The following MCTP1 variants were observed in gnomAD, a reference collection of about 807,000 sequenced individuals.
MCTP1 encodes the protein multiple C2 and transmembrane domain containing 1, also known as multiple C2 and transmembrane domain-containing protein 1.
MCTP1 carries 69 observed loss-of-function variants against 120.6 expected under a neutral mutation model. That is an observed-to-expected ratio of 0.57 (90% CI 0.47 to 0.70). The LOEUF (loss-of-function observed/expected upper bound fraction) is 0.70, where lower values mean the gene tolerates loss of function less well. Among genes scored for constraint, MCTP1 ranks in the 30% least tolerant of loss-of-function variants. The probability of loss-of-function intolerance (pLI) is 0.00; values close to 1 mark genes in which losing one functional copy is unlikely to be tolerated. For missense variants in MCTP1, 1,203 were observed against 1,248.8 expected (o/e 0.96, Z 0.55); for synonymous variants, 529 against 493.1 (o/e 1.07, Z -0.96).
chr5:95,245,463 A>C (rs1756653804), intron 1 of MCTP1, among the ~76,000 whole-genome samples: 1 of 152,230 alleles, frequency 6.6e-6, no homozygotes. Flanking sequence ...TAGAATAAAC[A>C]GTGTAGAGAA....
At chr5:95,186,812 C>G (rs941782406) in intron 1 of MCTP1, among the ~76,000 whole-genome samples, 8 of 152,172 alleles carry the variant, frequency 5.3e-5, no homozygotes, top group African/African-American at 1.9e-4. Flanking sequence ...GACTCTAGAT[C>G]TATTCCTAGA....
intron 1 of MCTP1, among the ~76,000 whole-genome samples, chr5:95,054,712 G>A (rs1746912387): frequency 1.3e-5 from 2 of 152,210 alleles, no homozygotes; most frequent in Admixed American, 1.3e-4. Flanking sequence ...ATAAAGAGAA[G>A]TTATAGACCA....
intron 10 of MCTP1, among the ~76,000 whole-genome samples, chr5:94,900,712 G>A (rs535028766): frequency 6.6e-6 from 1 of 152,270 alleles, no homozygotes; most frequent in African/African-American, 2.4e-5. Flanking sequence ...AGAGTCCATG[G>A]CTGGGGGTTC....
At chr5:94,925,958 C>A (rs928742001) in intron 6 of MCTP1, among the ~76,000 whole-genome samples, 1 of 151,956 alleles carries the variant, frequency 6.6e-6, no homozygotes, top group African/African-American at 2.4e-5. Flanking sequence ...ATAAAAAAAT[C>A]TAATTATGAA....
chr5:95,169,436 T>G (rs1254684669), intron 1 of MCTP1, among the ~76,000 whole-genome samples: 1 of 152,192 alleles, frequency 6.6e-6, no homozygotes, highest in African/African-American at 2.4e-5. Context: ...GGATTCCCTC[T>G]TTTTCTGTTG....
intron 2 of MCTP1, among the ~76,000 whole-genome samples, chr5:94,965,358 T>A (rs1216599317): frequency 6.6e-6 from 1 of 152,098 alleles, no homozygotes; most frequent in Non-Finnish European, 1.5e-5. Flanking sequence ...ACAGAGGAGA[T>A]CTCTCTAGTC....
intron 1 of MCTP1, among the ~76,000 whole-genome samples, chr5:95,141,699 T>C (rs973626098): frequency 6.6e-6 from 1 of 152,130 alleles, no homozygotes; most frequent in Non-Finnish European, 1.5e-5. Flanking sequence ...CATCTTTCTC[T>C]CTCCCTCCCT....
intron 1 of MCTP1, among the ~76,000 whole-genome samples, chr5:95,266,215 C>T (rs1184614563): frequency 6.6e-6 from 1 of 152,120 alleles, no homozygotes; most frequent in African/African-American, 2.4e-5. Flanking sequence ...AATATGCAGG[C>T]CATGGTTGAA....
chr5:95,047,109 G>C (rs1744739187), intron 1 of MCTP1, among the ~76,000 whole-genome samples: 1 of 152,172 alleles, frequency 6.6e-6, no homozygotes, highest in Non-Finnish European at 1.5e-5. Context: ...GCTATTTACA[G>C]TTCTTGTATC....
chr5:95,080,296 C>T (rs921564126), intron 1 of MCTP1, among the ~76,000 whole-genome samples: 1 of 152,168 alleles, frequency 6.6e-6, no homozygotes, highest in African/African-American at 2.4e-5. Flanking sequence ...AATCATTCCA[C>T]AAATCCATGC....
intron 1 of MCTP1, among the ~76,000 whole-genome samples, chr5:95,029,753 C>T (rs1839950818): frequency 6.6e-6 from 1 of 152,168 alleles, no homozygotes; most frequent in South Asian, 2.1e-4. Context: ...AGACAGAGAA[C>T]TTGGTGGCCG....
chr5:95,017,299 C>A, intron 2 of MCTP1, 68 bp downstream of exon 2: 1 of 843,142 alleles, frequency 1.2e-6, no homozygotes, highest in Non-Finnish European at 1.8e-6. Flanking sequence ...CAGGCAATCA[C>A]GTGGAAAACA....
At chr5:94,804,179 C>A (rs924803819) in intron 17 of MCTP1, among the ~76,000 whole-genome samples, 4 of 152,164 alleles carry the variant, frequency 2.6e-5, no homozygotes, top group African/African-American at 7.2e-5. Context: ...ACATATTATT[C>A]TCTCTCCAAG....
intron 1 of MCTP1, among the ~76,000 whole-genome samples, chr5:95,162,085 C>T (rs991311181): frequency 2.6e-5 from 4 of 152,138 alleles, no homozygotes; most frequent in African/African-American, 9.7e-5. Context: ...GGTAATTTGC[C>T]ACTGCTGGTA....
chr5:94,903,154 A>C (rs188943849), intron 10 of MCTP1, among the ~76,000 whole-genome samples: 1 of 152,018 alleles, frequency 6.6e-6, no homozygotes, highest in Non-Finnish European at 1.5e-5. Flanking sequence ...ATTAGTAAAA[A>C]AAAATAGTAA....
At chr5:95,073,484 C>A (rs529167383) in intron 1 of MCTP1, among the ~76,000 whole-genome samples, 3 of 152,196 alleles carry the variant, frequency 2.0e-5, no homozygotes, top group Admixed American at 6.5e-5. Context: ...ACTGACTGCA[C>A]CCTGACTAGA....
At chr5:95,140,663 C>T (rs540589890) in intron 1 of MCTP1, among the ~76,000 whole-genome samples, 1 of 133,278 alleles carries the variant, frequency 7.5e-6, no homozygotes, top group Non-Finnish European at 1.5e-5. Flanking sequence ...CGAGACCATC[C>T]TGGCTAACAC....
At chr5:95,234,501 C>T (rs1475676706) in intron 1 of MCTP1, among the ~76,000 whole-genome samples, 1 of 152,090 alleles carries the variant, frequency 6.6e-6, no homozygotes, top group South Asian at 2.1e-4. Context: ...AGTTGGGTGA[C>T]TTCTGGCTCT....
chr5:95,003,813 G>C (rs554275848), intron 2 of MCTP1, among the ~76,000 whole-genome samples: 72 of 152,298 alleles, frequency 4.7e-4, no homozygotes, highest in Non-Finnish European at 9.3e-4. Context: ...TTATAGCAGT[G>C]TGACAGTGGA....
Sources: gnomAD v4.1 joint callset for allele counts (sites outside exome capture counted in the v4.1 genomes callset) on GRCh38, gnomAD v4.1.1 for gene constraint, MANE v1.5 for transcripts, NCBI Gene and HGNC (gene_info 2026-07-23, HGNC 2026-07-21) for gene names.